The following KLKB1 variants were observed in gnomAD, a reference collection of about 807,000 sequenced individuals.
KLKB1 encodes kallikrein B1, also known as plasma kallikrein.
KLKB1 carries 58 observed loss-of-function variants against 73.6 expected under a neutral mutation model. The ratio of observed to expected loss-of-function variants is 0.79; its 90% CI spans 0.64 to 0.98. KLKB1 has a LOEUF of 0.98. Among genes scored for constraint, KLKB1 ranks in the 50% least tolerant of loss-of-function variants. The pLI is 0.00. For synonymous variants in KLKB1, 280 were observed against 258.1 expected, an observed-to-expected ratio of 1.08 and a Z score of -0.81; for missense variants, 737 against 763.8, an observed-to-expected ratio of 0.96 and a Z score of 0.41.
chr4:186,238,284 G>A lies in KLKB1; in HGVS notation c.517G>A (p.Gly173Arg), dbSNP rs372296815. 4.0e-5 allele frequency: 65 copies of A among 1,613,550 alleles called. No individual in the cohort carries two copies. The highest frequency in any genetic ancestry group is 3.6e-4 in the East Asian group (16 of 44,880). Reference protein sequence around the residue: ...RNNCLLKYSPGGTPTAIKVLS... With the variant: ...RNNCLLKYSPRGTPTAIKVLS... ...CAATTGCCTATTAAAGTACAGTCCC[G>A]GAGGAACACCTACCGCTATAAAGGT... The change falls in exon 6 of 15, where the codon GGA becomes AGA. Residue 173 changes from glycine (G) to arginine (R), a missense_variant. Physicochemically the swap from Gly to Arg is moderately radical, Grantham distance 125 (BLOSUM62 -2). Transcript: ENST00000264690.
chr4:186,239,223 T>C (rs1194499121), intron 6 of KLKB1, among the ~76,000 whole-genome samples: 1 of 132,034 alleles, frequency 7.6e-6, no homozygotes, highest in Non-Finnish European at 1.6e-5. Context: ...ACAGTGATAC[T>C]GTTAGAGTTA....
chr4:186,255,861 G>C, intron 12 of KLKB1, 131 bp from the exon 13 acceptor site: 1 of 682,550 alleles, frequency 1.5e-6, no homozygotes, highest in Non-Finnish European at 2.6e-6. Flanking sequence ...TTAGAGGTTG[G>C]GCAGAAAGCA....
intron 6 of KLKB1, among the ~76,000 whole-genome samples, chr4:186,244,057 T>C (rs4253283): frequency 0.69 from 104,368 of 151,982 alleles, 36,055 homozygotes; most frequent in East Asian, 0.86. Flanking sequence ...CTACAGGGCG[T>C]GGTCCTGGCT....
At chr4:186,255,894 C>G in intron 12 of KLKB1, 98 bp from the exon 13 acceptor site, 2 of 821,350 alleles carry the variant, frequency 2.4e-6, no homozygotes. Context: ...TGATGCTACT[C>G]TATAGAAAGA....
In KLKB1 at chr4:186,236,936, T is replaced by C. The variant is rs760742088; in HGVS notation, c.484T>C (p.Tyr162His). 1 of 1,613,944 alleles carries C rather than the reference T, an allele frequency of 6.2e-7. No homozygotes were observed. Among genetic ancestry groups the C allele is most frequent in the South Asian group, 1.1e-5 (1 of 91,074 alleles). ...CACGCAAACATTTCACAAGGCAGAG[T>C]ACCGGTGAGTACAATTCAAGGTGTG... ...YATQTFHKAEYRNNCLLKYSP... is the reference protein window; with the variant it reads ...YATQTFHKAEHRNNCLLKYSP... Residue 162 changes from tyrosine to histidine, a missense_variant, in exon 5 of 15, where the codon TAC becomes CAC. By Grantham distance (83) the Tyr-to-His change is moderately conservative. Transcript: ENST00000264690.
intron 6 of KLKB1, among the ~76,000 whole-genome samples, chr4:186,245,419 T>C (rs528142686): frequency 6.6e-6 from 1 of 152,304 alleles, no homozygotes; most frequent in East Asian, 1.9e-4. Context: ...TCAGAGAGCC[T>C]TGGGCCAGAG....
chr4:186,237,694 G>T (rs1259813324), intron 5 of KLKB1, among the ~76,000 whole-genome samples: 5 of 151,646 alleles, frequency 3.3e-5, no homozygotes, highest in African/African-American at 1.2e-4. Context: ...AGATGTATGG[G>T]GTACAAGTGT....
At chr4:186,218,553 A>G (rs1342316101) in intron 2 of KLKB1, among the ~76,000 whole-genome samples, 1 of 152,080 alleles carries the variant, frequency 6.6e-6, no homozygotes, top group African/African-American at 2.4e-5. Context: ...TGTGTACAAG[A>G]TAGTGTTTTG....
chr4:186,251,288 A>T lies in KLKB1; in HGVS notation c.828A>T (p.Ile276=). 2.5e-6 allele frequency: 4 copies of T among 1,611,596 alleles called. No individual in the cohort carries two copies. The highest frequency in any genetic ancestry group is 3.4e-6 in the Non-Finnish European group (4 of 1,177,752). Residue 276 remains isoleucine, a synonymous_variant, in exon 8 of 15, where the codon ATA becomes ATT. Coordinates refer to ENST00000264690, the MANE Select transcript of KLKB1 (RefSeq NM_000892.5). ...CCTCTACTCCTCAAGAAAACACCAT[A>T]TCTGGATATAGCCTTTTAACCTGCA... ...PSSSTPQENT[I]SGYSLLTCKR... is the part of the protein sequence containing the mutation.
intron 7 of KLKB1, among the ~76,000 whole-genome samples, chr4:186,250,837 T>G (rs1265475701): frequency 1.3e-5 from 2 of 152,172 alleles, no homozygotes; most frequent in African/African-American, 4.8e-5. Flanking sequence ...TGTCTTTATC[T>G]CAGATAACCC....
intron 6 of KLKB1, among the ~76,000 whole-genome samples, chr4:186,244,756 G>C (rs1738240588): frequency 6.6e-6 from 1 of 152,174 alleles, no homozygotes; most frequent in Non-Finnish European, 1.5e-5. Flanking sequence ...CAGGTAAAAT[G>C]GGGGAATTGT....
Position 186,258,274 on chromosome 4 carries a change from G to T in KLKB1, c.*62G>T. 1.4e-6 allele frequency: 2 copies of T among 1,409,720 alleles called. No homozygotes were observed. Among genetic ancestry groups the T allele is most frequent in the East Asian group, 2.4e-5 (1 of 41,734 alleles). The allele number at this position is 1,409,720 out of a possible 1,614,324, so 87.3% of individuals were successfully genotyped here. On this transcript the variant is annotated 3_prime_UTR_variant, in exon 15 of 15. Transcript: ENST00000264690. ...AGTTCAAGTCAAATTCTGAGCCTGG[G>T]GGGTCCTCATCTGCAAAGCATGGAG...
intron 6 of KLKB1, among the ~76,000 whole-genome samples, chr4:186,247,872 TCCGTGG>T (rs1234186248): frequency 6.6e-6 from 1 of 152,230 alleles, no homozygotes; most frequent in African/African-American, 2.4e-5. Context: ...AGTGTACAAC[TCCGTGG>T]TTTTTAGTAT....
upstream of KLKB1, among the ~76,000 whole-genome samples, chr4:186,225,014 C>G (rs1032382030): frequency 6.7e-4 from 102 of 152,200 alleles, 1 homozygote; most frequent in Non-Finnish European, 3.2e-4. Context: ...CACTCTCTCT[C>G]TCGTATCACC....
chr4:186,258,341 C>A lies in KLKB1; in HGVS notation c.*129C>A. 1.2e-6 allele frequency: 1 copy of A among 823,768 alleles called. No individual in the cohort carries two copies. Among genetic ancestry groups the A allele is most frequent in the South Asian group, 1.5e-5 (1 of 68,376 alleles). 51.0% of individuals were successfully genotyped at this position (823,768 alleles called of 1,614,324 possible). A position where few individuals can be genotyped will look rare whatever the true frequency, so the allele number is the denominator to read the frequency against. On this transcript the variant is annotated 3_prime_UTR_variant, in exon 15 of 15. Coordinates refer to ENST00000264690, the MANE Select transcript of KLKB1 (RefSeq NM_000892.5). ...CATCCTAAGGACGAAAAACACAGTG[C>A]ACTCAGAGCTGCTGAGGACAATGTC...
chr4:186,216,602 A>G (rs1164505796), intron 2 of KLKB1, among the ~76,000 whole-genome samples: 2 of 152,112 alleles, frequency 1.3e-5, no homozygotes, highest in African/African-American at 4.8e-5. Context: ...CCATCCTGGC[A>G]CGTGTCTAAG....
intron 2 of KLKB1, chr4:186,211,872 T>G (rs1038289229): frequency 2.6e-5 from 4 of 152,214 alleles, no homozygotes; most frequent in Non-Finnish European, 4.4e-5. Context: ...ACAGTTTTTC[T>G]TTTGATCGTG....
chr4:186,238,508 C>A, intron 6 of KLKB1, 143 bp downstream of exon 6: 1 of 697,754 alleles, frequency 1.4e-6, no homozygotes. Flanking sequence ...CAGTTACGGG[C>A]TTCGAGATGG....
chr4:186,254,450 A>G (rs1738871116), intron 11 of KLKB1, 138 bp from the exon 12 acceptor site: 1 of 753,900 alleles, frequency 1.3e-6, no homozygotes, highest in South Asian at 1.5e-5. Flanking sequence ...AAAAATTACC[A>G]GAAGGAGGAA....
Sources: gnomAD v4.1 joint callset for allele counts (sites outside exome capture counted in the v4.1 genomes callset) on GRCh38, gnomAD v4.1.1 for gene constraint, MANE v1.5 for transcripts, NCBI Gene and HGNC (gene_info 2026-07-23, HGNC 2026-07-21) for gene names.